SCN4B: variants seen among roughly 807,000 people sequenced by gnomAD.
The protein encoded by SCN4B is sodium channel regulatory subunit beta-4.
A neutral mutation model predicts 19.6 loss-of-function variants in SCN4B; 20 were observed. That is an observed-to-expected ratio of 1.02 (90% CI 0.72 to 1.48). SCN4B has a LOEUF of 1.48. Ranked by LOEUF, SCN4B falls within the 40% of genes most tolerant of loss-of-function variation. The pLI is 0.00. For missense variants in SCN4B, 271 were observed against 287.5 expected, an observed-to-expected ratio of 0.94 and a Z score of 0.42; for synonymous variants, 127 against 122.8, an observed-to-expected ratio of 1.03 and a Z score of -0.22.
At chr11:118,150,446 G>A (rs1171396971) in intron 1 of SCN4B, among the ~76,000 whole-genome samples, 1 of 152,102 alleles carries the variant, frequency 6.6e-6, no homozygotes, top group Non-Finnish European at 1.5e-5. Flanking sequence ...GGCCCCTCAA[G>A]TCTTTATCCT....
In SCN4B at chr11:118,152,665, C is replaced by A. The variant is rs1228109358; in HGVS notation, c.9G>T (p.Gly3=). Residue 3 remains glycine, a synonymous_variant, in exon 1 of 5, where the codon GGG becomes GGT. Transcript: ENST00000324727. MP[G]AGDGGKAPAR... ...CCGGGGCTTTGCCTCCGTCCCCAGC[C>A]CCGGGCATAGTCCTGTTCTCTCCGG... 5 of 1,610,818 alleles carry A rather than the reference C, an allele frequency of 3.1e-6. No homozygotes were observed. The highest frequency in any genetic ancestry group is 4.2e-6 in the Non-Finnish European group (5 of 1,178,210).
intron 1 of SCN4B, chr11:118,145,562 C>T: frequency 1.0e-6 from 1 of 996,318 alleles, no homozygotes; most frequent in Admixed American, 3.2e-5. Flanking sequence ...CCTGGGGACG[C>T]AGTGCCTGGA....
chr11:118,137,204 C>A, intron 4 of SCN4B, 84 bp from the exon 5 acceptor site: 7 of 1,000,552 alleles, frequency 7.0e-6, no homozygotes, highest in Non-Finnish European at 1.1e-5. Context: ...GGGCCCTGCA[C>A]CCAGCCCTGT....
intron 4 of SCN4B, among the ~76,000 whole-genome samples, chr11:118,137,450 C>T (rs1216444230): frequency 6.6e-6 from 1 of 152,156 alleles, no homozygotes; most frequent in Non-Finnish European, 1.5e-5. Context: ...GCAGGCAGAT[C>T]ACTTGAGGTC....
Position 118,145,249 on chromosome 11 carries a change from TC to T in SCN4B, c.62-21del. On this transcript the variant is annotated intron_variant, in intron 1 of 4. Transcript: ENST00000324727. ...AGAGGCCTGTGTAAGGAGCACCGCC[TC>T]CCTTAATAAAACCCCACCAGCCTGG... 1 of 1,613,612 alleles carries T rather than the reference TC, an allele frequency of 6.2e-7. No homozygotes were observed. The highest frequency in any genetic ancestry group is 8.5e-7 in the Non-Finnish European group (1 of 1,179,890).
In SCN4B at chr11:118,152,677, C is replaced by A; in HGVS notation, c.-4G>T. Reference sequence around the variant, plus strand: ...CTCCGTCCCCAGCCCCGGGCATAGTCCTGTTCTCTCCGGAGCGCGCGGGGG... The same window carrying A: ...CTCCGTCCCCAGCCCCGGGCATAGTACTGTTCTCTCCGGAGCGCGCGGGGG... On this transcript the variant is annotated 5_prime_UTR_variant, in exon 1 of 5. Coordinates refer to ENST00000324727, the MANE Select transcript of SCN4B (RefSeq NM_174934.4). The A allele has an allele frequency of 6.3e-7, 1 of 1,590,196 alleles. No homozygotes were observed. Among genetic ancestry groups the A allele is most frequent in the South Asian group, 1.1e-5 (1 of 89,844 alleles).
At chr11:118,139,888 C>T (rs1591433426) in intron 4 of SCN4B, among the ~76,000 whole-genome samples, 2 of 139,740 alleles carry the variant, frequency 1.4e-5, no homozygotes, top group African/African-American at 5.3e-5. Flanking sequence ...TCTAGCATTC[C>T]TTTTTTTTTT....
Position 118,136,040 on chromosome 11 carries a change from G to GC in SCN4B, c.*986_*987insG, listed in dbSNP as rs762140499. 2.6e-4 allele frequency: 113 copies of GC among 434,952 alleles called. No individual in the cohort carries two copies. The highest frequency in any genetic ancestry group is 1.3e-3 in the African/African-American group (64 of 49,320). 26.9% of individuals were successfully genotyped at this position (434,952 alleles called of 1,614,324 possible). A position where few individuals can be genotyped will look rare whatever the true frequency, so the allele number is the denominator to read the frequency against. Reference sequence around the variant, plus strand: ...CAGGGCGTGATGGAGGGCACGGTGGGGGGGGGGGAGCGAGCCAATGGGAGG... The same window carrying GC: ...CAGGGCGTGATGGAGGGCACGGTGGGCGGGGGGGGAGCGAGCCAATGGGAGG... On this transcript the variant is annotated 3_prime_UTR_variant, in exon 5 of 5. Coordinates refer to ENST00000324727, the MANE Select transcript of SCN4B (RefSeq NM_174934.4).
In SCN4B at chr11:118,136,334, G is replaced by A. The variant is rs1948005383; in HGVS notation, c.*693C>T. 2.2e-6 allele frequency: 1 copy of A among 453,948 alleles called. No homozygotes were observed. The allele number at this position is 453,948 out of a possible 1,614,324, so 28.1% of individuals were successfully genotyped here. A position where few individuals can be genotyped will look rare whatever the true frequency, so the allele number is the denominator to read the frequency against. ...TTCCTGAGCCCCTCAGTAACCCAGA[G>A]AGCAGAGGAGCAGGCTAGGTGGCCA... On this transcript the variant is annotated 3_prime_UTR_variant, in exon 5 of 5. Transcript: ENST00000324727.
At chr11:118,147,099 G>A (rs1243415638) in intron 1 of SCN4B, among the ~76,000 whole-genome samples, 1 of 152,180 alleles carries the variant, frequency 6.6e-6, no homozygotes, top group Non-Finnish European at 1.5e-5. Context: ...TTTACATTTC[G>A]AGAAAGTTCC....
chr11:118,135,691 G>A lies in SCN4B; in HGVS notation c.*1336C>T, dbSNP rs779367494. On this transcript the variant is annotated 3_prime_UTR_variant, in exon 5 of 5. Coordinates refer to ENST00000324727, the MANE Select transcript of SCN4B (RefSeq NM_174934.4). ...CTATGACCCTGGGGAGGGGAGGGCT[G>A]GCGAACCCTCACCAGCACCACACCA... is the stretch of plus-strand genomic sequence containing the variant. 1.1e-5 allele frequency: 5 copies of A among 454,420 alleles called. No homozygotes were observed. The highest frequency in any genetic ancestry group is 7.8e-5 in the South Asian group (5 of 64,478). 28.1% of individuals were successfully genotyped at this position (454,420 alleles called of 1,614,324 possible). A position where few individuals can be genotyped will look rare whatever the true frequency, so the allele number is the denominator to read the frequency against.
At position 118,148,377 on chromosome 11, in the gene SCN4B, G is replaced by A. The variant is rs1038667600; in HGVS notation, c.62-3148C>T. On this transcript the variant is annotated intron_variant, in intron 1 of 4. Transcript: ENST00000324727. This position sits in a 1 kb window ranked among gnomAD's most constrained non-coding sequence, Gnocchi z 4.0. ...TGAGGCTGCTCTGGGGGAGAGGGGG[G>A]AACCAGGGGCAGGTGTTGGTCCACA... Among the ~76,000 whole-genome samples the A allele has an allele frequency of 6.6e-6, 1 of 152,222 alleles. No individual in the cohort carries two copies. The highest frequency in any genetic ancestry group is 2.1e-4 in the South Asian group (1 of 4,836).
In SCN4B at chr11:118,136,704, C is replaced by T. The variant is rs1193159986; in HGVS notation, c.*323G>A. On this transcript the variant is annotated 3_prime_UTR_variant, in exon 5 of 5. Transcript: ENST00000324727. ...AGCCTGGAGGAAAATCAAGGCCCTG[C>T]TTGTGCAGGGTAGGGAGACTGAAGG... 4 of 502,118 alleles carry T rather than the reference C, an allele frequency of 8.0e-6. No homozygotes were observed. The highest frequency in any genetic ancestry group is 5.8e-5 in the African/African-American group (3 of 51,850). The allele number at this position is 502,118 out of a possible 1,614,324, so 31.1% of individuals were successfully genotyped here.
intron 1 of SCN4B, chr11:118,145,666 G>A (rs1190292721): frequency 5.9e-6 from 2 of 336,140 alleles, no homozygotes; most frequent in African/African-American, 4.3e-5. Flanking sequence ...CTCTCGCCAG[G>A]TTTTCAGGAC....
chr11:118,134,670 G>A lies in SCN4B; in HGVS notation c.*2357C>T, dbSNP rs1445081880. On this transcript the variant is annotated 3_prime_UTR_variant, in exon 5 of 5. Coordinates refer to ENST00000324727, the MANE Select transcript of SCN4B (RefSeq NM_174934.4). Reference sequence around the variant, plus strand: ...TGCAAAGACTAAATAATTCCAAGGGGGGTGGGATGGAAAGAAAGAGAGAGA... The same window carrying A: ...TGCAAAGACTAAATAATTCCAAGGGAGGTGGGATGGAAAGAAAGAGAGAGA... 4.4e-6 allele frequency: 2 copies of A among 453,944 alleles called. No homozygotes were observed. Among genetic ancestry groups the A allele is most frequent in the East Asian group, 6.9e-5 (1 of 14,404 alleles). The allele number at this position is 453,944 out of a possible 1,614,324, so 28.1% of individuals were successfully genotyped here. A position where few individuals can be genotyped will look rare whatever the true frequency, so the allele number is the denominator to read the frequency against.
chr11:118,137,746 G>A (rs1948037318), intron 4 of SCN4B, among the ~76,000 whole-genome samples: 1 of 152,162 alleles, frequency 6.6e-6, no homozygotes, highest in Non-Finnish European at 1.5e-5. Flanking sequence ...GAAGCAAAGG[G>A]CACCAGGTGC....
Position 118,133,461 on chromosome 11 carries a change from T to G in SCN4B, c.*3566A>C, listed in dbSNP as rs1005915079. On this transcript the variant is annotated 3_prime_UTR_variant, in exon 5 of 5. Transcript: ENST00000324727. ...AACTTGTTGTAGAGGCCAGACTGAT[T>G]ATATCCGTTCTGTGCTCGAACACAA... 1 of 452,770 alleles carries G rather than the reference T, an allele frequency of 2.2e-6. No homozygotes were observed. Among genetic ancestry groups the G allele is most frequent in the African/African-American group, 2.0e-5 (1 of 50,090 alleles). 28.0% of individuals were successfully genotyped at this position (452,770 alleles called of 1,614,324 possible). A position where few individuals can be genotyped will look rare whatever the true frequency, so the allele number is the denominator to read the frequency against.
chr11:118,135,389 A>AGG lies in SCN4B; in HGVS notation c.*1636_*1637dup, dbSNP rs759474360. The stretch of plus-strand genomic sequence containing the variant: ...AGGTAGACCCCAAACTCTCTGAAAA[A>AGG]GGGGGCTACTCCTCTCTCATCCCTC... On this transcript the variant is annotated 3_prime_UTR_variant, in exon 5 of 5. Coordinates refer to ENST00000324727, the MANE Select transcript of SCN4B (RefSeq NM_174934.4). 8.8e-6 allele frequency: 4 copies of AGG among 454,108 alleles called. No homozygotes were observed. The highest frequency in any genetic ancestry group is 6.2e-5 in the South Asian group (4 of 64,464). 28.1% of individuals were successfully genotyped at this position (454,108 alleles called of 1,614,324 possible). A position where few individuals can be genotyped will look rare whatever the true frequency, so the allele number is the denominator to read the frequency against.
intron 1 of SCN4B, chr11:118,145,546 C>A: frequency 8.5e-7 from 1 of 1,175,750 alleles, no homozygotes; most frequent in Non-Finnish European, 1.1e-6. Flanking sequence ...CCGGCTCCGC[C>A]CCTCACCTGG....
Sources: gnomAD v4.1 joint callset for allele counts (sites outside exome capture counted in the v4.1 genomes callset) on GRCh38, gnomAD v4.1.1 for gene constraint, Gnocchi (gnomAD v3.1) non-coding constraint, MANE v1.5 for transcripts, NCBI Gene and HGNC (gene_info 2026-07-23, HGNC 2026-07-21) for gene names.